MDN1: variants seen among roughly 807,000 people sequenced by gnomAD.
MDN1 encodes the protein midasin.
Under a neutral mutation model 669.2 loss-of-function variants are expected in MDN1, and 266 were observed. The observed-to-expected ratio is 0.40, with a 90% confidence interval of 0.36 to 0.44. The LOEUF is 0.44. MDN1 is among the 20% of genes least tolerant of loss of function. The pLI is 1.00. For missense variants in MDN1, 5,940 were observed against 6,754.0 expected, an observed-to-expected ratio of 0.88 and a Z score of 4.22; for synonymous variants, 2,385 against 2,457.1, an observed-to-expected ratio of 0.97 and a Z score of 0.87.
chr6:89,772,343 G>C (rs1030231525), intron 14 of MDN1, among the ~76,000 whole-genome samples: 1 of 152,146 alleles, frequency 6.6e-6, no homozygotes, highest in African/African-American at 2.4e-5. Context: ...TCCCATATCT[G>C]TTTTGAAATA....
At chr6:89,771,152 A>AC (rs1562201216) in intron 15 of MDN1, among the ~76,000 whole-genome samples, 1 of 152,176 alleles carries the variant, frequency 6.6e-6, no homozygotes, top group Non-Finnish European at 1.5e-5. Context: ...AAGGGAGTTT[A>AC]CCCTTTTTCC....
chr6:89,703,369 AGG>A (rs113306279), intron 53 of MDN1, among the ~76,000 whole-genome samples: 129 of 136,128 alleles, frequency 9.5e-4, no homozygotes, highest in Non-Finnish European at 1.4e-3. Flanking sequence ...TGTATGGGGA[AGG>A]GGGGGGGGTC....
Position 89,688,786 on chromosome 6 carries a change from G to A in MDN1, c.11046C>T (p.Leu3682=). 6.2e-7 allele frequency: 1 copy of A among 1,614,188 alleles called. No homozygotes were observed. Among genetic ancestry groups the A allele is most frequent in the Non-Finnish European group, 8.5e-7 (1 of 1,180,034 alleles). The part of the protein sequence containing the change: ...PLMGVELNDR[L]LGSQLLACTL... ...TACAGGCCAAAAGTTGGCTGCCCAA[G>A]AGTCGGTCATTCAGTTCAACTCCTG... Residue 3682 remains leucine (L), a synonymous_variant, in exon 66 of 102, where the codon CTC becomes CTT. Coordinates refer to ENST00000369393, the MANE Select transcript of MDN1 (RefSeq NM_014611.3).
intron 34 of MDN1, among the ~76,000 whole-genome samples, chr6:89,731,589 T>C (rs1283771757): frequency 6.6e-6 from 1 of 150,792 alleles, no homozygotes; most frequent in Non-Finnish European, 1.5e-5. Context: ...GAGGGGAACA[T>C]CACATACTGG....
At chr6:89,767,285 C>A (rs1817847393) in intron 15 of MDN1, among the ~76,000 whole-genome samples, 1 of 152,110 alleles carries the variant, frequency 6.6e-6, no homozygotes, top group South Asian at 2.1e-4. Flanking sequence ...AGGAAAAAGA[C>A]ATATCATGCC....
chr6:89,687,490 A>T, intron 67 of MDN1, 52 bp from the exon 68 acceptor site: 1 of 1,495,326 alleles, frequency 6.7e-7, no homozygotes, highest in Non-Finnish European at 9.3e-7. Context: ...TGCCATAATC[A>T]CCTCCTTCCT....
intron 59 of MDN1, among the ~76,000 whole-genome samples, chr6:89,697,060 G>A (rs1812805267): frequency 6.6e-6 from 1 of 152,182 alleles, no homozygotes; most frequent in Non-Finnish European, 1.5e-5. Flanking sequence ...AACCCTCAGG[G>A]ATCCAAAGTT....
chr6:89,658,967 T>G (rs1809528992), intron 88 of MDN1, 50 bp from the exon 89 acceptor site: 1 of 1,507,976 alleles, frequency 6.6e-7, no homozygotes. Flanking sequence ...GAAACGTACA[T>G]GATTTCTTAA....
In MDN1 at chr6:89,740,380, T is replaced by A; in HGVS notation, c.4449-2A>T. The stretch of plus-strand genomic sequence containing the variant: ...AGAGACTTTTCTACTTCAAGGACAC[T>A]AAAAGAAAAATTGAAGAACAGTGAA... On this transcript the variant is annotated splice_acceptor_variant, in intron 31 of 101. Transcript: ENST00000369393. LOFTEE classifies it high-confidence loss of function. 1 of 1,570,330 alleles carries A rather than the reference T, an allele frequency of 6.4e-7. No homozygotes were observed.
chr6:89,648,989 T>TAA (rs35332439), intron 97 of MDN1, among the ~76,000 whole-genome samples: 58 of 135,008 alleles, frequency 4.3e-4, no homozygotes, highest in Non-Finnish European at 4.0e-4. Flanking sequence ...ACCCTGTCTT[T>TAA]AAAAAAAAAA....
chr6:89,808,085 C>T (rs1768130557), intron 1 of MDN1, among the ~76,000 whole-genome samples: 1 of 151,704 alleles, frequency 6.6e-6, no homozygotes, highest in Admixed American at 6.6e-5. Flanking sequence ...AGCCTATAAT[C>T]ACTTTTTTCT....
intron 19 of MDN1, among the ~76,000 whole-genome samples, chr6:89,756,989 G>A (rs915074595): frequency 6.6e-6 from 1 of 150,802 alleles, no homozygotes; most frequent in East Asian, 1.9e-4. Context: ...TATCATAATC[G>A]CCTATTTAAA....
At chr6:89,781,731 C>T in intron 9 of MDN1, 139 bp from the exon 10 acceptor site, 1 of 657,578 alleles carries the variant, frequency 1.5e-6, no homozygotes. Flanking sequence ...TAGCTCACAC[C>T]TGTAATCCCA....
At chr6:89,660,078 G>C (rs1406846001) in intron 88 of MDN1, among the ~76,000 whole-genome samples, 1 of 151,974 alleles carries the variant, frequency 6.6e-6, no homozygotes, top group East Asian at 1.9e-4. Flanking sequence ...GTAGAGACGG[G>C]GTTTCTCCAT....
chr6:89,709,256 G>A (rs902681271), intron 50 of MDN1, among the ~76,000 whole-genome samples: 4 of 152,104 alleles, frequency 2.6e-5, no homozygotes, highest in East Asian at 1.9e-4. Context: ...CTGGCAGGAC[G>A]GTTCAGTGGA....
In MDN1 at chr6:89,746,607, AAAAAAAAGAAAGAAAG is replaced by A. The variant is rs777238991; in HGVS notation, c.3904+706_3904+721del. On this transcript the variant is annotated intron_variant, in intron 27 of 101. Coordinates refer to ENST00000369393, the MANE Select transcript of MDN1 (RefSeq NM_014611.3). ...AGACTCTATCTCAAAAAAAAAAAAA[AAAAAAAAGAAAGAAAG>A]AAAGAAAGAAAGAAAGAAAGAAAGA... 8.6e-4 allele frequency among the ~76,000 whole-genome samples: 62 copies of A among 72,306 alleles called. 3 individuals carry two copies. Among genetic ancestry groups the A allele is most frequent in the African/African-American group, 2.0e-3 (34 of 16,662 alleles). 47.4% of individuals were successfully genotyped at this position (72,306 alleles called of 152,430 possible).
rs1442085000 is a variant in MDN1 at position 89,780,170 on chromosome 6, T to C, written c.1725+42A>G. On this transcript the variant is annotated intron_variant, in intron 11 of 101. Transcript: ENST00000369393. ...AAAATAACAACGGAAGTCAACAGCC[T>C]TACAGAACCAAGACAAAAAAGACTG... 7.4e-6 allele frequency: 9 copies of C among 1,214,104 alleles called. No homozygotes were observed. In the South Asian group the frequency reaches 1.4e-4, roughly 18 times the overall value. The allele number at this position is 1,214,104 out of a possible 1,614,324, so 75.2% of individuals were successfully genotyped here. A position where few individuals can be genotyped will look rare whatever the true frequency, so the allele number is the denominator to read the frequency against.
chr6:89,778,872 C>T (rs1274369202), intron 11 of MDN1, among the ~76,000 whole-genome samples: 7 of 138,162 alleles, frequency 5.1e-5, no homozygotes, highest in African/African-American at 1.1e-4. Context: ...GGTAATAGAG[C>T]GAGACTATGT....
intron 9 of MDN1, among the ~76,000 whole-genome samples, chr6:89,784,269 T>A (rs1818834722): frequency 6.6e-6 from 1 of 151,948 alleles, no homozygotes; most frequent in African/African-American, 2.4e-5. Context: ...TGAGCCAAGA[T>A]CACGCCATTG....
Sources: gnomAD v4.1 joint callset for allele counts (sites outside exome capture counted in the v4.1 genomes callset) on GRCh38, gnomAD v4.1.1 for gene constraint, MANE v1.5 for transcripts, NCBI Gene and HGNC (gene_info 2026-07-23, HGNC 2026-07-21) for gene names.